WWOX: variants seen among roughly 807,000 people sequenced by gnomAD.
WWOX encodes WW domain-containing oxidoreductase.
WWOX carries 69 observed loss-of-function variants against 46.2 expected under a neutral mutation model. That is an observed-to-expected ratio of 1.49 (90% CI 1.23 to 1.82). The LOEUF is 1.82. Among genes scored for constraint, WWOX ranks in the 40% most tolerant of loss-of-function variants. The pLI is 0.00. For synonymous variants in WWOX, 359 were observed against 202.6 expected, an observed-to-expected ratio of 1.77 and a Z score of -6.56; for missense variants, 919 against 542.6, an observed-to-expected ratio of 1.69 and a Z score of -6.89.
rs547366766 is a variant in WWOX, at chr16:78,667,436, C to T, written c.1056+234684C>T. ...CTGTATTCCCAACACTTTGGGAGGC[C>T]GAGGCGGGTGGATCACAAGGTCAGG... On this transcript the variant is annotated intron_variant, in intron 8 of 8. Transcript: ENST00000566780. Among the ~76,000 whole-genome samples, 5 of 151,922 alleles carry T rather than the reference C, an allele frequency of 3.3e-5. No individual in the cohort carries two copies. The South Asian group carries it at 8.3e-4, about 25-fold the overall frequency.
chr16:78,676,046 C>T (rs1275108198), intron 8 of WWOX, among the ~76,000 whole-genome samples: 1 of 151,960 alleles, frequency 6.6e-6, no homozygotes, highest in Non-Finnish European at 1.5e-5. Flanking sequence ...TTCTCCGCTG[C>T]TTGTTTAAGA....
Position 79,121,991 on chromosome 16 carries a change from C to G in WWOX, c.1057-89617C>G, listed in dbSNP as rs147383670. ...GGATTTAATATAGCGTCAGGCTCCT[C>G]TAGGTACAATAAAATACCAAGTTAA... On this transcript the variant is annotated intron_variant, in intron 8 of 8. Coordinates refer to ENST00000566780, the MANE Select transcript of WWOX (RefSeq NM_016373.4). Among the ~76,000 whole-genome samples, 22 of 152,266 alleles carry G rather than the reference C, an allele frequency of 1.4e-4. No individual in the cohort carries two copies. The East Asian group carries it at 4.3e-3, about 29-fold the overall frequency.
At chr16:79,019,283 T>C (rs1474342624) in intron 8 of WWOX, among the ~76,000 whole-genome samples, 2 of 150,782 alleles carry the variant, frequency 1.3e-5, no homozygotes, top group Non-Finnish European at 2.9e-5. Context: ...TTCATCATTG[T>C]GGAACATCAT....
At chr16:78,329,662 G>T (rs2080711518) in intron 5 of WWOX, among the ~76,000 whole-genome samples, 1 of 152,136 alleles carries the variant, frequency 6.6e-6, no homozygotes, top group African/African-American at 2.4e-5. Context: ...GTGGGGAAGC[G>T]TGCTCTGTTA....
chr16:78,685,124 G>C (rs927626218), intron 8 of WWOX, among the ~76,000 whole-genome samples: 1 of 152,166 alleles, frequency 6.6e-6, no homozygotes, highest in African/African-American at 2.4e-5. Context: ...TCTCTCTGCA[G>C]CGTGATGTCT....
At chr16:78,135,286 C>T (rs1488632342) in intron 4 of WWOX, among the ~76,000 whole-genome samples, 1 of 152,174 alleles carries the variant, frequency 6.6e-6, no homozygotes, top group East Asian at 1.9e-4. Context: ...GAGCTTGACA[C>T]TAGAGCTCTA....
chr16:79,005,664 A>T (rs2347083), intron 8 of WWOX, among the ~76,000 whole-genome samples: 7 of 151,964 alleles, frequency 4.6e-5, no homozygotes, highest in African/African-American at 1.2e-4. Context: ...TATGTCTTCA[A>T]TGTTCTTCTT....
chr16:78,272,306 C>T (rs1041148057), intron 5 of WWOX, among the ~76,000 whole-genome samples: 9 of 152,044 alleles, frequency 5.9e-5, no homozygotes, highest in Admixed American at 5.9e-4. Context: ...ATGCTTGGCT[C>T]AGCTGAGGGA....
At chr16:78,982,034 G>C (rs1567457850) in intron 8 of WWOX, among the ~76,000 whole-genome samples, 1 of 152,130 alleles carries the variant, frequency 6.6e-6, no homozygotes, top group African/African-American at 2.4e-5. Context: ...AAGGGCTCTG[G>C]ACCTATGCTG....
intron 8 of WWOX, among the ~76,000 whole-genome samples, chr16:79,024,497 T>A (rs564915980): frequency 2.6e-5 from 4 of 152,028 alleles, no homozygotes; most frequent in South Asian, 2.1e-4. Context: ...GCAGTGGTGC[T>A]ATCTCAGCTC....
chr16:78,662,603 A>C (rs2047242019), intron 8 of WWOX, among the ~76,000 whole-genome samples: 1 of 152,166 alleles, frequency 6.6e-6, no homozygotes, highest in Non-Finnish European at 1.5e-5. Context: ...CGTGGGCTTG[A>C]TTTTTATTTT....
chr16:79,165,244 C>T (rs1363541022), intron 8 of WWOX, among the ~76,000 whole-genome samples: 1 of 151,926 alleles, frequency 6.6e-6, no homozygotes, highest in Non-Finnish European at 1.5e-5. Context: ...ATGGTAACGG[C>T]TTCCGGCATC....
At chr16:78,796,287 G>T (rs1286444547) in intron 8 of WWOX, among the ~76,000 whole-genome samples, 1 of 152,188 alleles carries the variant, frequency 6.6e-6, no homozygotes, top group Non-Finnish European at 1.5e-5. Context: ...GACATCTTGG[G>T]CTCAGCCATA....
chr16:78,433,166 A>T (rs1185928315), intron 8 of WWOX, among the ~76,000 whole-genome samples: 4 of 152,170 alleles, frequency 2.6e-5, no homozygotes, highest in Admixed American at 2.6e-4. Flanking sequence ...AGCAGATGTG[A>T]TTCCTTTGTT....
At chr16:78,814,042 T>A (rs991743880) in intron 8 of WWOX, among the ~76,000 whole-genome samples, 5 of 152,226 alleles carry the variant, frequency 3.3e-5, no homozygotes, top group Non-Finnish European at 5.9e-5. Context: ...CTTTCCTTGC[T>A]GAATATCTGC....
At chr16:78,532,253 A>C (rs2667621) in intron 8 of WWOX, among the ~76,000 whole-genome samples, 1,676 of 152,204 alleles carry the variant, frequency 0.011, 28 homozygotes, top group Non-Finnish European at 0.019. Context: ...TACTTGCAAA[A>C]TGTATTTTTG....
chr16:78,462,335 A>T (rs1340964063), intron 8 of WWOX, among the ~76,000 whole-genome samples: 1 of 151,536 alleles, frequency 6.6e-6, no homozygotes, highest in African/African-American at 2.4e-5. Context: ...GAGGGCTGTG[A>T]TTCTATTAGC....
chr16:78,241,914 C>G (rs1006746260), intron 5 of WWOX, among the ~76,000 whole-genome samples: 2 of 152,184 alleles, frequency 1.3e-5, no homozygotes, highest in African/African-American at 4.8e-5. Context: ...CTCTCCCTCA[C>G]AAGGCTTTTG....
At chr16:79,078,737 A>G (rs941531755) in intron 8 of WWOX, among the ~76,000 whole-genome samples, 2 of 152,206 alleles carry the variant, frequency 1.3e-5, no homozygotes, top group Non-Finnish European at 2.9e-5. Flanking sequence ...ATTGGACTCA[A>G]CCATGATGAT....
Sources: allele counts gnomAD v4.1 joint callset (sites outside exome capture counted in the v4.1 genomes callset), GRCh38; gene constraint gnomAD v4.1.1; transcripts MANE v1.5; gene names NCBI Gene and HGNC (gene_info 2026-07-23, HGNC 2026-07-21).